Variants in SYNE1 observed in about 807,000 individuals in gnomAD.
SYNE1 encodes nesprin-1.
In SYNE1, 616 loss-of-function variants were observed where a neutral mutation model predicts 1,111.0. The ratio of observed to expected loss-of-function variants is 0.55; its 90% confidence interval spans 0.52 to 0.59. The LOEUF (loss-of-function observed/expected upper bound fraction) is 0.59. SYNE1 is among the 20% of genes least tolerant of loss of function. The pLI, the probability that SYNE1 is intolerant of heterozygous loss-of-function variation, is 0.00. For synonymous variants in SYNE1, 3,855 were observed against 3,825.8 expected (o/e 1.01, Z -0.28); for missense variants, 10,006 against 10,417.0 (o/e 0.96, Z 1.72).
chr6:152,429,553 C>T (rs79851045), intron 36 of SYNE1, among the ~76,000 whole-genome samples: 2,691 of 152,234 alleles, frequency 0.018, 35 homozygotes, highest in Non-Finnish European at 0.02. Flanking sequence ...CAATATGAAT[C>T]ATATTTGTAT....
intron 81 of SYNE1, among the ~76,000 whole-genome samples, chr6:152,324,788 G>A (rs924259983): frequency 2.0e-5 from 3 of 152,172 alleles, no homozygotes; most frequent in Non-Finnish European, 2.9e-5. Context: ...GCGACAGAGG[G>A]AGACTCCGTC....
chr6:152,576,493 T>G (rs2099497033), intron 3 of SYNE1, among the ~76,000 whole-genome samples: 1 of 152,184 alleles, frequency 6.6e-6, no homozygotes, highest in African/African-American at 2.4e-5. Flanking sequence ...TGCCACCAGA[T>G]TAACTTCTAA....
At position 152,122,466 on chromosome 6, in the gene SYNE1, G is replaced by A; in HGVS notation, c.26364C>T (p.Leu8788=). ...GTGGAGGAGGGCCATTCGTGTATCTGAGCATGGGGTGGAATGACCGGGCAA... is the reference window on the plus strand; with the variant it reads ...GTGGAGGAGGGCCATTCGTGTATCTAAGCATGGGGTGGAATGACCGGGCAA... ...NNFARSFHPM[L]RYTNGPPPL The change falls in exon 146 of 146, where the codon CTC becomes CTT. Residue 8788 remains leucine (L), a synonymous_variant. Coordinates refer to ENST00000367255, the MANE Select transcript of SYNE1 (RefSeq NM_182961.4). The A allele has an allele frequency of 2.5e-6, 4 of 1,614,170 alleles. No homozygotes were observed. In the South Asian group the frequency reaches 4.4e-5, roughly 18 times the overall value.
chr6:152,546,700 T>A (rs931174253), intron 3 of SYNE1: 1 of 152,178 alleles, frequency 6.6e-6, no homozygotes, highest in South Asian at 2.1e-4. Flanking sequence ...TACTTATTTT[T>A]AAAAACTCTA....
chr6:152,308,766 A>G (rs964356757), intron 90 of SYNE1, 134 bp from the exon 91 acceptor site: 10 of 974,908 alleles, frequency 1.0e-5, no homozygotes, highest in African/African-American at 6.6e-5. Flanking sequence ...AAATTCCTAG[A>G]TGGTTTGAAT....
intron 95 of SYNE1, among the ~76,000 whole-genome samples, chr6:152,291,008 C>T (rs2094572643): frequency 6.7e-6 from 1 of 150,130 alleles, no homozygotes. Flanking sequence ...CTAAATTCTA[C>T]ATTATTGCTA....
rs2096238910 is a variant in SYNE1 at position 152,331,123 on chromosome 6, A to G, written c.13562T>C (p.Met4521Thr). The change falls in exon 78 of 146, where the codon ATG (methionine) becomes ACG (threonine). Residue 4521 changes from methionine (M) to threonine (T), a missense_variant. By Grantham distance (81) the Met-to-Thr change is moderately conservative (BLOSUM62 -1). Transcript: ENST00000367255. ...CTTTTCCTGCTCTGTGACTTCCTTC[A>G]TTAGTTCGCGACCCTGGGCCCAAAG... ...TGLWAQGREL[M>T]KEVTEQEKSE... The G allele has an allele frequency of 6.2e-7, 1 of 1,613,948 alleles. No homozygotes were observed. Among genetic ancestry groups the G allele is most frequent in the African/African-American group, 1.3e-5 (1 of 74,892 alleles).
At chr6:152,242,062 G>A (rs2085849738) in intron 107 of SYNE1, among the ~76,000 whole-genome samples, 178 bp downstream of exon 107, 1 of 152,044 alleles carries the variant, frequency 6.6e-6, no homozygotes, top group East Asian at 1.9e-4. Flanking sequence ...TAATTTCTCT[G>A]TGCTACTGAA....
At chr6:152,472,935 T>C (rs1374655358) in intron 14 of SYNE1, among the ~76,000 whole-genome samples, 3 of 152,166 alleles carry the variant, frequency 2.0e-5, no homozygotes, top group Admixed American at 2.0e-4. Context: ...ACCCTTTTGA[T>C]TAGAAAATTT....
At chr6:152,624,134 C>T (rs1420687724) in intron 3 of SYNE1, among the ~76,000 whole-genome samples, 1 of 152,106 alleles carries the variant, frequency 6.6e-6, no homozygotes, top group Non-Finnish European at 1.5e-5. Context: ...AATCTATTCA[C>T]AAGGTTTAAT....
intron 33 of SYNE1, chr6:152,435,719 A>C (rs773266757): frequency 1.7e-6 from 1 of 604,728 alleles, no homozygotes. Context: ...TGATCAGTTT[A>C]AGATGCAAAA....
At chr6:152,163,249 G>A (rs2153014372) in intron 131 of SYNE1, among the ~76,000 whole-genome samples, 1 of 152,304 alleles carries the variant, frequency 6.6e-6, no homozygotes, top group East Asian at 1.9e-4. Flanking sequence ...TGTAATCCCA[G>A]CACTTTGTGA....
At chr6:152,371,272 T>C (rs774000588) in intron 59 of SYNE1, among the ~76,000 whole-genome samples, 6 of 152,000 alleles carry the variant, frequency 3.9e-5, no homozygotes, top group Non-Finnish European at 7.4e-5. Context: ...CCCATGTTGC[T>C]GTTCTCATGA....
intron 6 of SYNE1, among the ~76,000 whole-genome samples, chr6:152,512,517 C>T (rs1217476810): frequency 6.6e-6 from 1 of 152,056 alleles, no homozygotes; most frequent in Non-Finnish European, 1.5e-5. Flanking sequence ...ATAATATATG[C>T]TAATATCCAT....
chr6:152,228,574 A>T (rs2082096149), intron 115 of SYNE1, among the ~76,000 whole-genome samples: 1 of 152,238 alleles, frequency 6.6e-6, no homozygotes, highest in African/African-American at 2.4e-5. Flanking sequence ...AAAGAAGTGG[A>T]AAAAATAAAA....
chr6:152,606,976 C>CTTTTTTTTTTTTTTTTTTTTTTTTTT (rs11387272), intron 3 of SYNE1, among the ~76,000 whole-genome samples: 5 of 109,102 alleles, frequency 4.6e-5, no homozygotes, highest in African/African-American at 1.5e-4. Context: ...TGCCTCGGTT[C>CTTTTTTTTTTTTTTTTTTTTTTTTTT]TCTTTTTTTT....
chr6:152,142,776 C>T (rs1018022326), intron 138 of SYNE1, among the ~76,000 whole-genome samples: 3 of 152,148 alleles, frequency 2.0e-5, no homozygotes, highest in Admixed American at 6.5e-5. Context: ...CATAATTGAC[C>T]GCTCTTCTGT....
At chr6:152,520,412 T>C (rs1215185661) in intron 6 of SYNE1, 47 bp downstream of exon 6, 5 of 1,589,590 alleles carry the variant, frequency 3.1e-6, no homozygotes, top group Non-Finnish European at 4.3e-6. Flanking sequence ...AACATAAGTA[T>C]GCCCACACCT....
At chr6:152,610,356 C>T (rs2800647) in intron 3 of SYNE1, among the ~76,000 whole-genome samples, 108,840 of 152,050 alleles carry the variant, frequency 0.72, 39,047 homozygotes, top group East Asian at 0.8. Flanking sequence ...CATACACAAG[C>T]TTCAATAGCC....
Sources: gnomAD v4.1 joint callset for allele counts (sites outside exome capture counted in the v4.1 genomes callset) on GRCh38, gnomAD v4.1.1 for gene constraint, MANE v1.5 for transcripts, NCBI Gene and HGNC (gene_info 2026-07-23, HGNC 2026-07-21) for gene names.